The following SH2D3C variants were observed in gnomAD, a reference collection of about 807,000 sequenced individuals.
The protein encoded by SH2D3C is SH2 domain containing 3C.
Under a neutral mutation model 75.2 loss-of-function variants are expected in SH2D3C, and 25 were observed. The ratio of observed to expected loss-of-function variants is 0.33; its 90% CI spans 0.24 to 0.46. The LOEUF is 0.46. Among genes scored for constraint, SH2D3C ranks in the 20% least tolerant of loss-of-function variants. The pLI is 1.00. For synonymous variants in SH2D3C, 450 were observed against 473.7 expected (o/e 0.95, Z 0.65); for missense variants, 933 against 1,165.3 (o/e 0.80, Z 2.90).
chr9:127,747,162 GGGAGCTAGGGCTCTC>G lies in SH2D3C; in HGVS notation c.1234_1248del (p.Glu412_Ser416del), dbSNP rs777998557. 9.9e-6 allele frequency: 16 copies of G among 1,613,984 alleles called. No homozygotes were observed. The highest frequency in any genetic ancestry group is 1.4e-5 in the Non-Finnish European group (16 of 1,180,004). Reference sequence around the variant, plus strand: ...CTGGCCATACCAGTGCTGTAGGCAGGGGAGCTAGGGCTCTCGGAGATGGGCGACATGGGTGAGTGC... The same window carrying G: ...CTGGCCATACCAGTGCTGTAGGCAGGGGAGATGGGCGACATGGGTGAGTGC... On this transcript the variant is annotated inframe_deletion, in exon 6 of 12. Coordinates refer to ENST00000314830, the MANE Select transcript of SH2D3C (RefSeq NM_170600.3).
chr9:127,759,876 G>A (rs184921256), intron 3 of SH2D3C, among the ~76,000 whole-genome samples: 127 of 151,958 alleles, frequency 8.4e-4, no homozygotes, highest in African/African-American at 2.8e-3. Flanking sequence ...CCAGCTACTC[G>A]GGAGGCTGAG....
intron 5 of SH2D3C, among the ~76,000 whole-genome samples, chr9:127,748,366 G>C (rs952468970): frequency 3.9e-5 from 6 of 152,138 alleles, no homozygotes; most frequent in Non-Finnish European, 7.4e-5. Flanking sequence ...TCCTTGACTG[G>C]GAGCACCCAA....
intron 3 of SH2D3C, among the ~76,000 whole-genome samples, chr9:127,757,215 C>G (rs2131779445): frequency 6.6e-6 from 1 of 151,338 alleles, no homozygotes; most frequent in South Asian, 2.1e-4. Context: ...GCCACCGTGC[C>G]CAGCCTAGGA....
At chr9:127,762,339 C>A in intron 2 of SH2D3C, 9 of 1,302,958 alleles carry the variant, frequency 6.9e-6, no homozygotes, top group Non-Finnish European at 9.1e-6. Flanking sequence ...CTACCCCTAC[C>A]CTCAGGCAGC....
chr9:127,747,554 G>A (rs1251240770), intron 5 of SH2D3C, among the ~76,000 whole-genome samples: 1 of 150,252 alleles, frequency 6.7e-6, no homozygotes, highest in Non-Finnish European at 1.5e-5. Flanking sequence ...TTTTTTCGGA[G>A]ATGGAGTCTC....
intron 4 of SH2D3C, among the ~76,000 whole-genome samples, chr9:127,750,632 C>A (rs1296631060): frequency 6.6e-6 from 1 of 152,258 alleles, no homozygotes; most frequent in East Asian, 1.9e-4. Flanking sequence ...GAAGCCACCA[C>A]CTTTTCTACC....
chr9:127,754,140 TCC>T lies in SH2D3C; in HGVS notation c.556-2842_556-2841del, dbSNP rs1845283502. The stretch of plus-strand genomic sequence containing the variant: ...GGGGTGCTGGGGTGCGAATGCAGCA[TCC>T]CTGCGCTCGGCGCCCTGCTATTGGC... On this transcript the variant is annotated intron_variant, in intron 3 of 11. Coordinates refer to ENST00000314830, the MANE Select transcript of SH2D3C (RefSeq NM_170600.3). The surrounding 1 kb of genome is among the most constrained non-coding windows in gnomAD (Gnocchi z 4.4). Among the ~76,000 whole-genome samples, 1 of 152,172 alleles carries T rather than the reference TCC, an allele frequency of 6.6e-6. No individual in the cohort carries two copies. Among genetic ancestry groups the T allele is most frequent in the Non-Finnish European group, 1.5e-5 (1 of 68,008 alleles).
At position 127,751,258 on chromosome 9, in the gene SH2D3C, G is replaced by GTT; in HGVS notation, c.596_597dup (p.Leu200AsnfsTer74). 1 of 1,613,862 alleles carries GTT rather than the reference G, an allele frequency of 6.2e-7. No homozygotes were observed. The highest frequency in any genetic ancestry group is 8.5e-7 in the Non-Finnish European group (1 of 1,179,722). On this transcript the variant is annotated frameshift_variant, in exon 4 of 12. Coordinates refer to ENST00000314830, the MANE Select transcript of SH2D3C (RefSeq NM_170600.3). LOFTEE classifies it high-confidence loss of function. This position sits in a 1 kb window ranked among gnomAD's most constrained non-coding sequence, Gnocchi z 4.1. Reference sequence around the variant, plus strand: ...AGCTCCTCCTCCAATTCCTTGTGGAGTTTCTCTGGCGATGAGTCCAGGATG... The same window carrying GTT: ...AGCTCCTCCTCCAATTCCTTGTGGAGTTTTTCTCTGGCGATGAGTCCAGGATG...
chr9:127,757,429 C>A (rs1158336573), intron 3 of SH2D3C, among the ~76,000 whole-genome samples: 2 of 150,944 alleles, frequency 1.3e-5, no homozygotes, highest in Non-Finnish European at 3.0e-5. Flanking sequence ...CACCACCATG[C>A]TCAGCTATTT....
At chr9:127,778,548 G>A in intron 1 of SH2D3C, 43 bp downstream of exon 1, 2 of 1,465,474 alleles carry the variant, frequency 1.4e-6, no homozygotes, top group Non-Finnish European at 1.9e-6. Context: ...GCCCAGAGGA[G>A]AGCCAGGGAT....
chr9:127,740,390 G>C, intron 9 of SH2D3C, 21 bp from the exon 10 acceptor site: 1 of 1,603,232 alleles, frequency 6.2e-7, no homozygotes, highest in Non-Finnish European at 8.5e-7. Flanking sequence ...CAAACTGTGA[G>C]AGACCAGCCA....
intron 3 of SH2D3C, among the ~76,000 whole-genome samples, chr9:127,753,498 G>A (rs1396652398): frequency 1.3e-5 from 2 of 152,144 alleles, no homozygotes; most frequent in Non-Finnish European, 2.9e-5. Flanking sequence ...GGAGAAAGGC[G>A]GGGCCTGGGA....
intron 3 of SH2D3C, among the ~76,000 whole-genome samples, chr9:127,757,758 A>C (rs768333259): frequency 9.2e-5 from 14 of 151,576 alleles, no homozygotes; most frequent in Non-Finnish European, 1.8e-4. Flanking sequence ...GATTCAAGCA[A>C]TTCTCCTGCC....
At position 127,762,242 on chromosome 9, in the gene SH2D3C, G is replaced by A. The variant is rs745392138; in HGVS notation, c.516-592C>T. ...CTGCCCCCAGGGTGGAGAGCCTGGA[G>A]AGGCCAGAGGCCAGAGACGGCTGTT... On this transcript the variant is annotated intron_variant, in intron 2 of 11. Coordinates refer to ENST00000314830, the MANE Select transcript of SH2D3C (RefSeq NM_170600.3). 5.0e-6 allele frequency: 6 copies of A among 1,209,332 alleles called. No homozygotes were observed. In the Middle Eastern group the frequency reaches 7.9e-4, roughly 160 times the overall value. 74.9% of individuals were successfully genotyped at this position (1,209,332 alleles called of 1,614,324 possible).
At chr9:127,746,054 G>C (rs1245577997) in intron 6 of SH2D3C, among the ~76,000 whole-genome samples, 1 of 152,168 alleles carries the variant, frequency 6.6e-6, no homozygotes, top group Non-Finnish European at 1.5e-5. Flanking sequence ...AGGTCACCCA[G>C]CCAGCAAGTG....
chr9:127,769,666 A>G (rs1040950997), intron 2 of SH2D3C, among the ~76,000 whole-genome samples: 4 of 151,968 alleles, frequency 2.6e-5, no homozygotes, highest in African/African-American at 9.7e-5. Context: ...CGAAAAAAAA[A>G]AAAAAAAGAA....
Position 127,751,343 on chromosome 9 carries a change from C to A in SH2D3C, c.556-43G>T. 1 of 1,601,396 alleles carries A rather than the reference C, an allele frequency of 6.2e-7. No homozygotes were observed. Among genetic ancestry groups the A allele is most frequent in the Non-Finnish European group, 8.5e-7 (1 of 1,171,412 alleles). The stretch of plus-strand genomic sequence containing the variant: ...AGAGTTGGCATCCAACTTAAAGTCT[C>A]CTTCTTCTTTCCCTCCCAACTTCAT... On this transcript the variant is annotated intron_variant, in intron 3 of 11. Transcript: ENST00000314830. This position sits in a 1 kb window ranked among gnomAD's most constrained non-coding sequence, Gnocchi z 4.1.
intron 2 of SH2D3C, among the ~76,000 whole-genome samples, chr9:127,770,159 G>C (rs897322336): frequency 6.6e-6 from 1 of 152,000 alleles, no homozygotes; most frequent in African/African-American, 2.4e-5. Context: ...TTTTAGCCAG[G>C]GGAGCTAAAG....
chr9:127,742,251 T>G (rs1209929481), intron 8 of SH2D3C, among the ~76,000 whole-genome samples: 1 of 151,758 alleles, frequency 6.6e-6, no homozygotes, highest in Non-Finnish European at 1.5e-5. Flanking sequence ...TTGTTTGTTT[T>G]TTGAGACGGA....
Sources: allele counts gnomAD v4.1 joint callset (sites outside exome capture counted in the v4.1 genomes callset), GRCh38; gene constraint gnomAD v4.1.1; non-coding constraint Gnocchi (gnomAD v3.1); transcripts MANE v1.5; gene names NCBI Gene and HGNC (gene_info 2026-07-23, HGNC 2026-07-21).